Variants in ATP6V0A4 observed in about 807,000 individuals in gnomAD.
ATP6V0A4 encodes the protein ATPase H+ transporting V0 subunit a4, also known as V-type proton ATPase 116 kDa subunit a 4.
Under a neutral mutation model 107.3 loss-of-function variants are expected in ATP6V0A4, and 86 were observed. The ratio of observed to expected loss-of-function variants is 0.80; its 90% CI spans 0.67 to 0.96. ATP6V0A4 has a LOEUF of 0.96. Ranked by LOEUF, ATP6V0A4 falls within the 40% of genes least tolerant of loss-of-function variation. ATP6V0A4 has a pLI of 0.00. For synonymous variants in ATP6V0A4, 353 were observed against 381.4 expected (o/e 0.93, Z 0.87); for missense variants, 908 against 1,045.6 (o/e 0.87, Z 1.81).
chr7:138,764,669 A>C lies in ATP6V0A4; in HGVS notation c.292-1644T>G, dbSNP rs565512656. ...AGGGAAGTAAAAAACAAAAGGAATA[A>C]TAACTGAAAAAGCCAGTGAATCAGA... On this transcript the variant is annotated intron_variant, in intron 5 of 21. Transcript: ENST00000310018. 3.3e-5 allele frequency among the ~76,000 whole-genome samples: 5 copies of C among 152,222 alleles called. No homozygotes were observed. In the East Asian group the frequency reaches 9.6e-4, roughly 29 times the overall value.
chr7:138,758,276 A>G (rs296908), intron 8 of ATP6V0A4, among the ~76,000 whole-genome samples: 13,772 of 152,230 alleles, frequency 0.09, 669 homozygotes, highest in East Asian at 0.15. Flanking sequence ...TTCCATGTAT[A>G]CTACAATCAT....
chr7:138,791,772 A>G (rs1252763479), intron 1 of ATP6V0A4, among the ~76,000 whole-genome samples: 1 of 152,222 alleles, frequency 6.6e-6, no homozygotes, highest in Non-Finnish European at 1.5e-5. Context: ...CCAGACAAAC[A>G]AAGTAACATG....
chr7:138,748,622 G>C (rs781076458), intron 12 of ATP6V0A4, among the ~76,000 whole-genome samples: 1 of 152,052 alleles, frequency 6.6e-6, no homozygotes, highest in Non-Finnish European at 1.5e-5. Flanking sequence ...GGTCAAGCTG[G>C]TCTCGAACTC....
rs1034839332 is a variant in ATP6V0A4 at position 138,771,120 on chromosome 7, T to G, written c.117+11A>C. ...TGCCTTCCTCTTATCTCCAAAGAAC[T>G]CAGTACCTACATCTTTGAACTGAAC... is the stretch of plus-strand genomic sequence containing the variant. On this transcript the variant is annotated intron_variant, in intron 3 of 21. Transcript: ENST00000310018. The G allele has an allele frequency of 6.2e-6, 10 of 1,612,886 alleles. No individual in the cohort carries two copies. Among genetic ancestry groups the G allele is most frequent in the Non-Finnish European group, 8.5e-6 (10 of 1,179,154 alleles).
At chr7:138,792,524 T>G (rs1330972465) in intron 1 of ATP6V0A4, among the ~76,000 whole-genome samples, 3 of 152,004 alleles carry the variant, frequency 2.0e-5, no homozygotes, top group Non-Finnish European at 4.4e-5. Flanking sequence ...CCAAAAGTAG[T>G]GAGAAGAAAG....
In ATP6V0A4 at chr7:138,759,873, A is replaced by G. The variant is rs751849649; in HGVS notation, c.518T>C (p.Ile173Thr). ...CCTCTCCCTGTTGATCACACCGGCTATGAACCTAGGCAGCCAGAAGGGAAG... is the reference window on the plus strand; with the variant it reads ...CCTCTCCCTGTTGATCACACCGGCTGTGAACCTAGGCAGCCAGAAGGGAAG... ...PAYMTGKLGF[I>T]AGVINRERMA... Residue 173 changes from isoleucine to threonine, a missense_variant, in exon 8 of 22, where the codon ATA becomes ACA. Physicochemically the swap from Ile to Thr is moderately conservative, Grantham distance 89. Coordinates refer to ENST00000310018, the MANE Select transcript of ATP6V0A4 (RefSeq NM_020632.3). The G allele has an allele frequency of 3.0e-5, 49 of 1,613,998 alleles. No homozygotes were observed. In the Admixed American group the frequency reaches 6.3e-4, roughly 21 times the overall value.
intron 13 of ATP6V0A4, among the ~76,000 whole-genome samples, chr7:138,745,658 C>CAAAAAAGAAAAAAAAAAAAAAAAAAAAA (rs1805882305): frequency 2.3e-5 from 1 of 42,758 alleles, no homozygotes; most frequent in Non-Finnish European, 4.3e-5. Context: ...GCCTGTGTCT[C>CAAAAAAGAAAAAAAAAAAAAAAAAAAAA]AAAAAAAAAA....
At position 138,745,134 on chromosome 7, in the gene ATP6V0A4, G is replaced by A. The variant is rs115818606; in HGVS notation, c.1467C>T (p.Asn489=). The change falls in exon 14 of 22, where the codon AAC becomes AAT. Residue 489 remains asparagine, a synonymous_variant. Coordinates refer to ENST00000310018, the MANE Select transcript of ATP6V0A4 (RefSeq NM_020632.3). ...SSWSVQPMFR[N]GTWNTHVMEE... is the part of the protein sequence containing the mutation. ...GTCTGTCAACTCACTTCCATGTGCC[G>A]TTTCTGAACATGGGTTGGACACTCC... 270 of 1,613,820 alleles carry A rather than the reference G, an allele frequency of 1.7e-4. 2 individuals are homozygous for A. The African/African-American group carries it at 2.4e-3, about 14-fold the overall frequency.
intron 2 of ATP6V0A4, among the ~76,000 whole-genome samples, chr7:138,781,845 T>C (rs1218351652): frequency 1.1e-4 from 9 of 82,618 alleles, no homozygotes; most frequent in South Asian, 6.6e-4. Context: ...CTCTCTCTCT[T>C]TTTTTTTTTT....
intron 13 of ATP6V0A4, among the ~76,000 whole-genome samples, chr7:138,745,545 T>C (rs1051402265): frequency 4.0e-5 from 6 of 150,986 alleles, no homozygotes; most frequent in African/African-American, 1.5e-4. Flanking sequence ...GGCGTGGTGG[T>C]GCATGCCTGT....
intron 16 of ATP6V0A4, 117 bp downstream of exon 16, chr7:138,734,019 C>G (rs1447164921): frequency 1.0e-5 from 12 of 1,187,922 alleles, no homozygotes; most frequent in Non-Finnish European, 1.5e-5. Flanking sequence ...CAGGGAAGTA[C>G]CCCTCATAGG....
chr7:138,733,008 T>C lies in ATP6V0A4; in HGVS notation c.1777A>G (p.Met593Val). The C allele has an allele frequency of 3.1e-6, 5 of 1,613,992 alleles. No individual in the cohort carries two copies. The highest frequency in any genetic ancestry group is 1.3e-5 in the African/African-American group (1 of 74,976). ...ILCLFGYLVF[M>V]IIFKWCCFDV... ...AAGCAGCACCATTTGAAAATGATCA[T>C]GAAAACCAGGTATCCAAACAGACAC... The change falls in exon 17 of 22, where the codon ATG (methionine) becomes GTG (valine). Residue 593 changes from methionine (M) to valine (V), a missense_variant. Physicochemically the swap from Met to Val is conservative, Grantham distance 21. Coordinates refer to ENST00000310018, the MANE Select transcript of ATP6V0A4 (RefSeq NM_020632.3).
At chr7:138,776,746 G>A (rs151265026) in intron 2 of ATP6V0A4, among the ~76,000 whole-genome samples, 299 of 152,352 alleles carry the variant, frequency 2.0e-3, no homozygotes, top group African/African-American at 6.8e-3. Flanking sequence ...CCAACTACTG[G>A]AGTCAGGATC....
intron 21 of ATP6V0A4, 143 bp downstream of exon 21, chr7:138,709,481 C>G: frequency 1.3e-6 from 1 of 746,834 alleles, no homozygotes; most frequent in South Asian, 1.4e-5. Flanking sequence ...ATTACACCAA[C>G]AGATGACTAA....
At chr7:138,741,395 T>A (rs1805627831) in intron 14 of ATP6V0A4, among the ~76,000 whole-genome samples, 1 of 152,100 alleles carries the variant, frequency 6.6e-6, no homozygotes, top group Admixed American at 6.6e-5. Flanking sequence ...TGCAAATGGC[T>A]GGATTTCCAT....
intron 21 of ATP6V0A4, among the ~76,000 whole-genome samples, chr7:138,707,404 A>G (rs61122841): frequency 0.012 from 1,338 of 110,992 alleles, 28 homozygotes; most frequent in East Asian, 0.064. Context: ...AATATATTAT[A>G]TATATATATT....
Position 138,747,477 on chromosome 7 carries a change from A to T in ATP6V0A4, c.1268T>A (p.Leu423His). Reference protein sequence around the residue: ...GHGTVMLLAALWMILNERRLL... With the variant: ...GHGTVMLLAAHWMILNERRLL... ...GCGTCTCTCATTCAGAATCATCCAA[A>T]GTGCAGCCAGGAGCATCACGGTTCC... Residue 423 changes from leucine to histidine, a missense_variant, in exon 13 of 22, where the codon CTT (leucine) becomes CAT (histidine). Leu to His is a moderately conservative substitution (Grantham distance 99). Transcript: ENST00000310018. 1 of 1,614,120 alleles carries T rather than the reference A, an allele frequency of 6.2e-7. No homozygotes were observed. The highest frequency in any genetic ancestry group is 8.5e-7 in the Non-Finnish European group (1 of 1,180,032).
intron 2 of ATP6V0A4, among the ~76,000 whole-genome samples, chr7:138,775,345 T>G (rs1026861600): frequency 1.3e-5 from 2 of 152,184 alleles, no homozygotes. Flanking sequence ...AGCAGGTATC[T>G]CTAAAAGATA....
At chr7:138,725,198 G>A (rs1804646012) in intron 18 of ATP6V0A4, among the ~76,000 whole-genome samples, 2 of 152,172 alleles carry the variant, frequency 1.3e-5, no homozygotes, top group Non-Finnish European at 2.9e-5. Context: ...CCTGAGCCCA[G>A]GAGGTGAGTC....
Sources: gnomAD v4.1 joint callset for allele counts (sites outside exome capture counted in the v4.1 genomes callset) on GRCh38, gnomAD v4.1.1 for gene constraint, MANE v1.5 for transcripts, NCBI Gene and HGNC (gene_info 2026-07-23, HGNC 2026-07-21) for gene names.